TSPAN32: variants seen among roughly 807,000 people sequenced by gnomAD.
TSPAN32 encodes the protein tetraspanin-32.
TSPAN32 carries 47 observed loss-of-function variants against 42.7 expected under a neutral mutation model. The observed-to-expected ratio is 1.10, with a 90% CI of 0.87 to 1.40. The LOEUF (loss-of-function observed/expected upper bound fraction) is 1.40. TSPAN32 is among the 40% of genes most tolerant of loss of function. The pLI is 0.00. For synonymous variants in TSPAN32, 175 were observed against 175.9 expected (o/e 0.99, Z 0.04); for missense variants, 469 against 424.1 (o/e 1.11, Z -0.93).
rs745944280 is a variant in TSPAN32, at chr11:2,316,596, C to T, written c.648C>T (p.Ser216=). 5.7e-6 allele frequency: 9 copies of T among 1,572,738 alleles called. No homozygotes were observed. Among genetic ancestry groups the T allele is most frequent in the Non-Finnish European group, 8.6e-7 (1 of 1,157,120 alleles). ...CCCAGGTGTCCGCCTTGCTCTTCAGCTCCTTCCTGTGGTTTGCCATCCGCT... is the reference window on the plus strand; with the variant it reads ...CCCAGGTGTCCGCCTTGCTCTTCAGTTCCTTCCTGTGGTTTGCCATCCGCT... ...LALTVSALLF[S]SFLWFAIRCG... The change falls in exon 8 of 10, where the codon AGC becomes AGT. Residue 216 remains serine, a synonymous_variant. Coordinates refer to ENST00000182290, the MANE Select transcript of TSPAN32 (RefSeq NM_139022.3).
intron 4 of TSPAN32, among the ~76,000 whole-genome samples, chr11:2,310,366 C>T (rs989017865): frequency 1.3e-5 from 2 of 152,212 alleles, no homozygotes; most frequent in Non-Finnish European, 1.5e-5. Context: ...ATGCCCCAGC[C>T]GGGCTCACCT....
intron 3 of TSPAN32, among the ~76,000 whole-genome samples, chr11:2,305,734 C>A (rs767914792): frequency 2.6e-5 from 4 of 152,192 alleles, no homozygotes; most frequent in Non-Finnish European, 4.4e-5. Flanking sequence ...GTGGGTCAGG[C>A]CTGTAGAGCA....
At chr11:2,315,443 G>C in intron 6 of TSPAN32, 2 of 1,129,186 alleles carry the variant, frequency 1.8e-6, no homozygotes, top group Non-Finnish European at 2.2e-6. Context: ...AGACTGAAAA[G>C]GCCCCCGACT....
At chr11:2,305,771 T>G (rs922900468) in intron 3 of TSPAN32, among the ~76,000 whole-genome samples, 1 of 152,130 alleles carries the variant, frequency 6.6e-6, no homozygotes, top group Non-Finnish European at 1.5e-5. Context: ...ACTGGATGCC[T>G]GCACTGGGCT....
Position 2,313,781 on chromosome 11 carries a change from A to C in TSPAN32, c.456+26A>C. ...GTGAGCGTGGGGACGGCTGGGTGGC[A>C]GGGCGGTCAGCTTCTGCTTGGACTG... On this transcript the variant is annotated intron_variant, in intron 5 of 9. Transcript: ENST00000182290. The surrounding 1 kb of genome is among the most constrained non-coding windows in gnomAD (Gnocchi z 9.1). 6.5e-7 allele frequency: 1 copy of C among 1,546,630 alleles called. No individual in the cohort carries two copies. The highest frequency in any genetic ancestry group is 8.7e-7 in the Non-Finnish European group (1 of 1,144,880).
intron 1 of TSPAN32, 103 bp downstream of exon 1, chr11:2,302,318 C>A: frequency 8.2e-7 from 1 of 1,217,590 alleles, no homozygotes; most frequent in Non-Finnish European, 1.1e-6. Context: ...GACACACACA[C>A]CAGCCCTACT....
At chr11:2,314,817 G>T in intron 6 of TSPAN32, 2 of 541,800 alleles carry the variant, frequency 3.7e-6, no homozygotes, top group East Asian at 3.1e-5. Context: ...CCTTTGCCCA[G>T]CTGGACGCAG....
intron 3 of TSPAN32, among the ~76,000 whole-genome samples, chr11:2,306,775 A>C (rs948937438): frequency 1.6e-5 from 2 of 124,936 alleles, no homozygotes; most frequent in Non-Finnish European, 3.4e-5. Context: ...AGGAGGGAGA[A>C]AGAGGGAGAG....
At position 2,317,590 on chromosome 11, in the gene TSPAN32, G is replaced by C; in HGVS notation, c.901+65G>C. 1 of 1,517,348 alleles carries C rather than the reference G, an allele frequency of 6.6e-7. No homozygotes were observed. The highest frequency in any genetic ancestry group is 2.5e-5 in the East Asian group (1 of 40,742). 94.0% of individuals were successfully genotyped at this position (1,517,348 alleles called of 1,614,324 possible). A position where few individuals can be genotyped will look rare whatever the true frequency, so the allele number is the denominator to read the frequency against. Reference sequence around the variant, plus strand: ...AGGGGAGGGTCCGAGCTGTGAGGAGGGAAGGGAGTGAAGGCCCAGCCAGAG... The same window carrying C: ...AGGGGAGGGTCCGAGCTGTGAGGAGCGAAGGGAGTGAAGGCCCAGCCAGAG... On this transcript the variant is annotated intron_variant, in intron 9 of 9. Transcript: ENST00000182290. The surrounding 1 kb of genome is among the most constrained non-coding windows in gnomAD (Gnocchi z 6.2).
intron 3 of TSPAN32, among the ~76,000 whole-genome samples, chr11:2,308,447 CCGCAA>C (rs1229537738): frequency 1.4e-5 from 1 of 71,124 alleles, no homozygotes; most frequent in Non-Finnish European, 2.8e-5. Context: ...GACCAGCCCC[CCGCAA>C]TGACCAGCCC....
intron 6 of TSPAN32, chr11:2,315,676 T>A: frequency 5.0e-6 from 6 of 1,191,328 alleles, no homozygotes; most frequent in Non-Finnish European, 6.4e-6. Flanking sequence ...CCAGTTGCCA[T>A]CATCTCCAGG....
chr11:2,302,268 A>C, intron 1 of TSPAN32, 53 bp downstream of exon 1: 25 of 1,056,064 alleles, frequency 2.4e-5, no homozygotes, highest in Non-Finnish European at 3.0e-5. Context: ...AGCAGGGGTG[A>C]GGGGTGGCAG....
chr11:2,312,947 C>T (rs1848550586), intron 4 of TSPAN32, among the ~76,000 whole-genome samples: 1 of 152,182 alleles, frequency 6.6e-6, no homozygotes, highest in Non-Finnish European at 1.5e-5. Context: ...GGCGAGATTC[C>T]AGTTTGTCTT....
chr11:2,309,045 C>T (rs1372179559), intron 4 of TSPAN32, among the ~76,000 whole-genome samples: 1 of 151,782 alleles, frequency 6.6e-6, no homozygotes, highest in Non-Finnish European at 1.5e-5. Flanking sequence ...TATGCTGTAC[C>T]CCTGCCTTCG....
chr11:2,304,189 G>A lies in TSPAN32; in HGVS notation c.264G>A (p.Gln88=), dbSNP rs1370399577. 1.3e-6 allele frequency: 2 copies of A among 1,578,598 alleles called. No homozygotes were observed. Among genetic ancestry groups the A allele is most frequent in the South Asian group, 1.2e-5 (1 of 86,442 alleles). The change falls in exon 3 of 10, where the codon CAG becomes CAA. Residue 88 remains glutamine (Q), a synonymous_variant. Coordinates refer to ENST00000182290, the MANE Select transcript of TSPAN32 (RefSeq NM_139022.3). The surrounding 1 kb of genome is among the most constrained non-coding windows in gnomAD (Gnocchi z 4.8). ...CTGCAGCCACCGTGAGGGAGGCCCA[G>A]GGCCTCATGGCAGGGGTGAGTTCAT... is the stretch of plus-strand genomic sequence containing the variant. ...LSAAATVREA[Q]GLMAGGFLCF...
At chr11:2,307,731 G>T (rs938422261) in intron 3 of TSPAN32, among the ~76,000 whole-genome samples, 1 of 152,114 alleles carries the variant, frequency 6.6e-6, no homozygotes, top group Non-Finnish European at 1.5e-5. Context: ...GGGCGGGTGC[G>T]CAGACGTTTC....
chr11:2,316,687 C>T lies in TSPAN32; in HGVS notation c.719+20C>T. The T allele has an allele frequency of 6.6e-7, 1 of 1,517,260 alleles. No homozygotes were observed. The highest frequency in any genetic ancestry group is 1.4e-5 in the African/African-American group (1 of 71,868). 94.0% of individuals were successfully genotyped at this position (1,517,260 alleles called of 1,614,324 possible). The stretch of plus-strand genomic sequence containing the variant: ...CCCACGGTAGGGCCCCCTGCCTGCC[C>T]CCACACCCTCTGGAAGGGTCCTCCA... On this transcript the variant is annotated intron_variant, in intron 8 of 9. Coordinates refer to ENST00000182290, the MANE Select transcript of TSPAN32 (RefSeq NM_139022.3).
intron 4 of TSPAN32, among the ~76,000 whole-genome samples, chr11:2,309,820 C>A (rs2521277): frequency 0.89 from 134,427 of 151,244 alleles, 60,624 homozygotes; most frequent in Non-Finnish European, 0.93. Flanking sequence ...AATGGGGGGA[C>A]TCAGGCCCTC....
At chr11:2,315,681 T>C in intron 6 of TSPAN32, 1 of 1,194,156 alleles carries the variant, frequency 8.4e-7, no homozygotes, top group South Asian at 1.5e-5. Context: ...TGCCATCATC[T>C]CCAGGGTTCA....
Sources: allele counts gnomAD v4.1 joint callset (sites outside exome capture counted in the v4.1 genomes callset), GRCh38; gene constraint gnomAD v4.1.1; non-coding constraint Gnocchi (gnomAD v3.1); transcripts MANE v1.5; gene names NCBI Gene and HGNC (gene_info 2026-07-23, HGNC 2026-07-21).